The following SORBS2 variants were observed in gnomAD, a reference collection of about 807,000 sequenced individuals.
SORBS2 encodes the protein sorbin and SH3 domain containing 2, also known as sorbin and SH3 domain-containing protein 2.
In SORBS2, 46 loss-of-function variants were observed where a neutral mutation model predicts 97.7. The observed-to-expected ratio is 0.47, with a 90% CI of 0.37 to 0.60. The LOEUF (loss-of-function observed/expected upper bound fraction) is 0.60, where lower values mean the gene tolerates loss of function less well. Ranked by LOEUF, SORBS2 falls within the 20% of genes least tolerant of loss-of-function variation. The pLI is 0.00. For missense variants in SORBS2, 1,316 were observed against 1,282.3 expected, an observed-to-expected ratio of 1.03 and a Z score of -0.40; for synonymous variants, 476 against 473.4, an observed-to-expected ratio of 1.01 and a Z score of -0.07.
chr4:185,880,814 A>G (rs1316043501), intron 1 of SORBS2, among the ~76,000 whole-genome samples: 9 of 152,218 alleles, frequency 5.9e-5, no homozygotes, highest in South Asian at 2.1e-4. Flanking sequence ...TGGTCAGACA[A>G]GGGCTGACAG....
At chr4:185,852,334 A>G (rs2099218366) in intron 1 of SORBS2, among the ~76,000 whole-genome samples, 1 of 152,300 alleles carries the variant, frequency 6.6e-6, no homozygotes, top group East Asian at 1.9e-4. Flanking sequence ...ACCAACCTCA[A>G]TGCTACCTCT....
At chr4:185,932,158 A>C (rs2149970312) in intron 1 of SORBS2, among the ~76,000 whole-genome samples, 1 of 151,996 alleles carries the variant, frequency 6.6e-6, no homozygotes, top group South Asian at 2.1e-4. Flanking sequence ...CCCCAAGATC[A>C]TGAGGAAATG....
At chr4:185,664,204 T>C (rs1179699828) in intron 4 of SORBS2, among the ~76,000 whole-genome samples, 1 of 152,226 alleles carries the variant, frequency 6.6e-6, no homozygotes, top group Non-Finnish European at 1.5e-5. Context: ...ATGACTAAAA[T>C]ACTATCATTA....
intron 1 of SORBS2, among the ~76,000 whole-genome samples, chr4:185,814,683 G>A (rs2099192200): frequency 6.6e-6 from 1 of 152,144 alleles, no homozygotes; most frequent in Admixed American, 6.5e-5. Flanking sequence ...AAGAGAACTG[G>A]AAGTCCCCCA....
chr4:185,793,194 A>G (rs2099089240), intron 1 of SORBS2, among the ~76,000 whole-genome samples: 1 of 152,250 alleles, frequency 6.6e-6, no homozygotes, highest in Non-Finnish European at 1.5e-5. Context: ...ACCATTAAGC[A>G]GGTAAATCCA....
At chr4:185,872,611 C>T (rs2099231031) in intron 1 of SORBS2, among the ~76,000 whole-genome samples, 1 of 152,156 alleles carries the variant, frequency 6.6e-6, no homozygotes, top group Non-Finnish European at 1.5e-5. Flanking sequence ...AAAAAGGCCA[C>T]AAGAAATTGC....
chr4:185,706,191 A>C (rs2098339073), intron 2 of SORBS2, among the ~76,000 whole-genome samples: 2 of 152,176 alleles, frequency 1.3e-5, no homozygotes, highest in African/African-American at 4.8e-5. Flanking sequence ...TTTTAAACAA[A>C]AGCATTTTTA....
chr4:185,754,973 T>C (rs962080998), intron 2 of SORBS2, among the ~76,000 whole-genome samples: 1 of 152,174 alleles, frequency 6.6e-6, no homozygotes, highest in Non-Finnish European at 1.5e-5. Context: ...GGAAGGGAAA[T>C]GGGCTTTGTG....
At chr4:185,744,960 C>T (rs925421991) in intron 2 of SORBS2, among the ~76,000 whole-genome samples, 5 of 152,220 alleles carry the variant, frequency 3.3e-5, no homozygotes, top group African/African-American at 9.6e-5. Context: ...GTCGCCCAAA[C>T]TGTTCTTTGC....
intron 4 of SORBS2, chr4:185,677,369 T>C (rs1294095007): frequency 1.9e-6 from 3 of 1,552,388 alleles, no homozygotes; most frequent in Non-Finnish European, 2.6e-6. Flanking sequence ...TAGCGAATGG[T>C]GCAGGATCCG....
intron 5 of SORBS2, among the ~76,000 whole-genome samples, chr4:185,628,931 A>G (rs569419109): frequency 1.3e-5 from 2 of 152,382 alleles, no homozygotes; most frequent in Admixed American, 1.3e-4. Context: ...CACATATGGC[A>G]CAGCACACTG....
chr4:185,630,666 T>A (rs564580752), intron 4 of SORBS2, 68 bp from the exon 17 acceptor site: 11 of 782,164 alleles, frequency 1.4e-5, no homozygotes, highest in East Asian at 1.3e-4. Context: ...CTTGTCAACA[T>A]TAAATTAGGT....
chr4:185,930,385 C>T (rs1215529158), intron 1 of SORBS2, among the ~76,000 whole-genome samples: 2 of 152,088 alleles, frequency 1.3e-5, no homozygotes, highest in Admixed American at 6.5e-5. Flanking sequence ...AGCTCCACCA[C>T]CCGGGTTCAC....
At chr4:185,608,692 G>A (rs549606032) in intron 12 of SORBS2, among the ~76,000 whole-genome samples, 1 of 152,244 alleles carries the variant, frequency 6.6e-6, no homozygotes, top group East Asian at 1.9e-4. Flanking sequence ...ACTAACATTG[G>A]AATACGTTTA....
chr4:185,613,381 C>T (rs190701039), intron 11 of SORBS2, among the ~76,000 whole-genome samples: 98 of 151,932 alleles, frequency 6.5e-4, no homozygotes, highest in Admixed American at 2.2e-3. Flanking sequence ...TGGATGCAAT[C>T]GCTCACGCCT....
intron 3 of SORBS2, among the ~76,000 whole-genome samples, chr4:185,648,395 G>A (rs1199524364): frequency 6.6e-6 from 1 of 151,866 alleles, no homozygotes; most frequent in Admixed American, 6.6e-5. Context: ...CCAGCTACTT[G>A]GTAATTGCTT....
At chr4:185,911,888 G>A (rs753441267) in intron 1 of SORBS2, among the ~76,000 whole-genome samples, 1 of 152,158 alleles carries the variant, frequency 6.6e-6, no homozygotes, top group African/African-American at 2.4e-5. Flanking sequence ...AACAGTTTGT[G>A]AGCAACTTGC....
intron 2 of SORBS2, among the ~76,000 whole-genome samples, chr4:185,751,592 T>C (rs1299909660): frequency 6.6e-6 from 1 of 151,822 alleles, no homozygotes; most frequent in African/African-American, 2.4e-5. Context: ...CAGAAGATGG[T>C]GAAGGCACCA....
intron 1 of SORBS2, among the ~76,000 whole-genome samples, chr4:185,852,816 G>T (rs181798295): frequency 6.6e-6 from 1 of 152,200 alleles, no homozygotes; most frequent in Admixed American, 6.5e-5. Flanking sequence ...TGTTTTTGTG[G>T]TTTCTCTTTT....
Sources: allele counts gnomAD v4.1 joint callset (sites outside exome capture counted in the v4.1 genomes callset), GRCh38; gene constraint gnomAD v4.1.1; transcripts MANE v1.5; gene names NCBI Gene and HGNC (gene_info 2026-07-23, HGNC 2026-07-21).